Variants in NCKAP5 observed in about 807,000 individuals in gnomAD.
NCKAP5 encodes nck-associated protein 5.
NCKAP5 carries 92 observed loss-of-function variants against 167.0 expected under a neutral mutation model. The observed-to-expected ratio is 0.55, with a 90% CI of 0.47 to 0.66. NCKAP5 has a LOEUF of 0.66. Among genes scored for constraint, NCKAP5 ranks in the 30% least tolerant of loss-of-function variants. The probability of loss-of-function intolerance (pLI) is 0.00; values close to 1 mark genes in which losing one functional copy is unlikely to be tolerated. For missense variants in NCKAP5, 2,378 were observed against 2,315.0 expected, an observed-to-expected ratio of 1.03 and a Z score of -0.56; for synonymous variants, 891 against 877.4, an observed-to-expected ratio of 1.02 and a Z score of -0.27.
chr2:132,817,735 A>G (rs780843256), intron 11 of NCKAP5, among the ~76,000 whole-genome samples: 5 of 152,090 alleles, frequency 3.3e-5, no homozygotes, highest in Non-Finnish European at 5.9e-5. Flanking sequence ...CTCTACATAA[A>G]GGAGGAGTAA....
chr2:133,465,073 A>G (rs1692466026), intron 3 of NCKAP5, among the ~76,000 whole-genome samples: 1 of 151,432 alleles, frequency 6.6e-6, no homozygotes, highest in Admixed American at 6.6e-5. Flanking sequence ...TTAGTTACAT[A>G]TGTATACATG....
intron 17 of NCKAP5, among the ~76,000 whole-genome samples, chr2:132,729,358 A>T (rs1210254263): frequency 2.0e-5 from 3 of 152,228 alleles, no homozygotes; most frequent in Admixed American, 6.5e-5. Flanking sequence ...GCATTAGCGT[A>T]GTTTCCGAAG....
chr2:133,630,513 G>C, the NCKAP5 span, among the ~76,000 whole-genome samples: 1 of 151,910 alleles, frequency 6.6e-6, no homozygotes, highest in African/African-American at 2.4e-5. Context: ...ACTCAGGTGA[G>C]AGGTTGACAG....
At chr2:132,986,789 G>A (rs2077302504) in intron 7 of NCKAP5, among the ~76,000 whole-genome samples, 1 of 152,078 alleles carries the variant, frequency 6.6e-6, no homozygotes, top group Non-Finnish European at 1.5e-5. Flanking sequence ...TCATTACAAG[G>A]AAAGAAGGAA....
intron 4 of NCKAP5, among the ~76,000 whole-genome samples, chr2:133,243,839 G>A (rs772762974): frequency 2.0e-5 from 3 of 152,150 alleles, no homozygotes; most frequent in Non-Finnish European, 4.4e-5. Flanking sequence ...CTTCTTCTGA[G>A]GTAAAAATGC....
intron 19 of NCKAP5, among the ~76,000 whole-genome samples, chr2:132,709,396 G>A (rs556041882): frequency 1.3e-4 from 20 of 151,978 alleles, no homozygotes; most frequent in African/African-American, 4.3e-4. Context: ...CGATACAATA[G>A]GTTCAGCCAA....
the NCKAP5 span, among the ~76,000 whole-genome samples, chr2:133,631,575 G>A: frequency 1.3e-5 from 2 of 152,176 alleles, no homozygotes; most frequent in Non-Finnish European, 2.9e-5. Flanking sequence ...TGCAAAAGGT[G>A]TAACTCCTGG....
chr2:133,081,147 T>C lies in NCKAP5; in HGVS notation c.341+48831A>G, dbSNP rs112368200. Among the ~76,000 whole-genome samples the C allele has an allele frequency of 5.7e-3, 867 of 152,244 alleles. 8 individuals are homozygous for C. Among genetic ancestry groups the C allele is most frequent in the African/African-American group, 0.019 (779 of 41,550 alleles). On this transcript the variant is annotated intron_variant, in intron 6 of 19. Transcript: ENST00000409261. ...GTATTTCAAAGGCATTCATTTTCCA[T>C]GTAAAGAAGCCCTAAAATACATTTT... is the stretch of plus-strand genomic sequence containing the variant.
intron 5 of NCKAP5, among the ~76,000 whole-genome samples, chr2:133,159,411 C>T (rs1001311371): frequency 1.3e-5 from 2 of 152,110 alleles, no homozygotes; most frequent in South Asian, 2.1e-4. Flanking sequence ...ACAGAGAAAC[C>T]CGTCAAGGTA....
rs540113822 is a variant in NCKAP5, at chr2:133,368,514, C to T, written c.70-65404G>A. 1.4e-4 allele frequency among the ~76,000 whole-genome samples: 21 copies of T among 152,120 alleles called. No homozygotes were observed. The South Asian group carries it at 1.5e-3, about 11-fold the overall frequency. ...TCTTGGTGAAAAATACAATTATTAG[C>T]GGTTCACATGTAATTTAGTCCCTCA... On this transcript the variant is annotated intron_variant, in intron 3 of 19. Transcript: ENST00000409261.
intron 6 of NCKAP5, among the ~76,000 whole-genome samples, chr2:133,002,928 A>T (rs2077836229): frequency 6.6e-6 from 1 of 152,242 alleles, no homozygotes; most frequent in African/African-American, 2.4e-5. Flanking sequence ...AGAAGTAGAT[A>T]CAGTGAGAAA....
intron 1 of NCKAP5, among the ~76,000 whole-genome samples, chr2:133,559,959 A>G (rs1688043415): frequency 1.3e-5 from 2 of 152,216 alleles, no homozygotes; most frequent in Admixed American, 6.5e-5. Flanking sequence ...GTCTTCATCA[A>G]TAAGAAGATA....
At chr2:133,156,465 G>A (rs1198663959) in intron 5 of NCKAP5, among the ~76,000 whole-genome samples, 1 of 152,116 alleles carries the variant, frequency 6.6e-6, no homozygotes, top group Non-Finnish European at 1.5e-5. Context: ...TATGTGCTGA[G>A]AAAACAAATA....
intron 6 of NCKAP5, chr2:133,123,899 C>T (rs1281151498): frequency 2.3e-6 from 1 of 436,716 alleles, no homozygotes; most frequent in African/African-American, 2.0e-5. Context: ...CTTCAACACA[C>T]ACTTCTATGC....
chr2:132,809,026 C>G lies in NCKAP5; in HGVS notation c.808-12297G>C, dbSNP rs72991314. On this transcript the variant is annotated intron_variant, in intron 11 of 19. Coordinates refer to ENST00000409261, the MANE Select transcript of NCKAP5 (RefSeq NM_207363.3). ...TTCCATCTTGATTTGGTTTTTGACCCAGTGCTCATTCAGGAGCAGGCTATA... is the reference window on the plus strand; with the variant it reads ...TTCCATCTTGATTTGGTTTTTGACCGAGTGCTCATTCAGGAGCAGGCTATA... Among the ~76,000 whole-genome samples, 1,475 of 152,192 alleles carry G rather than the reference C, an allele frequency of 9.7e-3. 20 individuals are homozygous for G. Among genetic ancestry groups the G allele is most frequent in the African/African-American group, 0.034 (1,421 of 41,540 alleles).
chr2:132,897,573 T>C (rs776612039), intron 8 of NCKAP5, among the ~76,000 whole-genome samples: 3 of 152,210 alleles, frequency 2.0e-5, no homozygotes, highest in Non-Finnish European at 4.4e-5. Flanking sequence ...GTAGAATGTC[T>C]GGCAGCATCC....
chr2:133,594,406 A>T, the NCKAP5 span, among the ~76,000 whole-genome samples: 1 of 152,114 alleles, frequency 6.6e-6, no homozygotes, highest in Non-Finnish European at 1.5e-5. Context: ...CACCATGAGG[A>T]TACACAGCCC....
At chr2:133,397,399 T>C (rs1343444756) in intron 3 of NCKAP5, among the ~76,000 whole-genome samples, 1 of 152,244 alleles carries the variant, frequency 6.6e-6, no homozygotes, top group Non-Finnish European at 1.5e-5. Context: ...ATATAATATG[T>C]GAAAATATTT....
intron 3 of NCKAP5, among the ~76,000 whole-genome samples, chr2:133,331,626 T>C (rs1451538783): frequency 2.0e-5 from 3 of 152,198 alleles, no homozygotes; most frequent in Non-Finnish European, 2.9e-5. Context: ...GGTACTACTT[T>C]TCCACTTAAG....
Sources: allele counts gnomAD v4.1 joint callset (sites outside exome capture counted in the v4.1 genomes callset), GRCh38; gene constraint gnomAD v4.1.1; transcripts MANE v1.5; gene names NCBI Gene and HGNC (gene_info 2026-07-23, HGNC 2026-07-21).